The following SMAP1 variants were observed in gnomAD, a reference collection of about 807,000 sequenced individuals.
The protein encoded by SMAP1 is stromal membrane-associated protein 1.
A neutral mutation model predicts 58.5 loss-of-function variants in SMAP1; 24 were observed. The ratio of observed to expected loss-of-function variants is 0.41; its 90% CI spans 0.30 to 0.58. SMAP1 has a LOEUF of 0.58. Ranked by LOEUF, SMAP1 falls within the 20% of genes least tolerant of loss-of-function variation. The pLI is 0.29. For missense variants in SMAP1, 563 were observed against 566.3 expected, an observed-to-expected ratio of 0.99 and a Z score of 0.06; for synonymous variants, 216 against 196.6, an observed-to-expected ratio of 1.10 and a Z score of -0.82.
intron 7 of SMAP1, among the ~76,000 whole-genome samples, chr6:70,849,303 T>G (rs183600005): frequency 6.5e-4 from 99 of 152,334 alleles, no homozygotes; most frequent in African/African-American, 2.2e-3. Flanking sequence ...CCCTCAGACT[T>G]ACTTTGTGAA....
At chr6:70,783,310 A>G (rs934805115) in intron 4 of SMAP1, among the ~76,000 whole-genome samples, 4 of 152,236 alleles carry the variant, frequency 2.6e-5, no homozygotes, top group African/African-American at 9.6e-5. Context: ...GTACGTCACC[A>G]TCATCAAAGA....
rs79201635 is a variant in SMAP1, at chr6:70,699,008, C to G, written c.118+30867C>G. Among the ~76,000 whole-genome samples the G allele has an allele frequency of 3.2e-3, 486 of 152,282 alleles. 2 individuals carry two copies. The highest frequency in any genetic ancestry group is 0.011 in the African/African-American group (467 of 41,554). ...AGGTATTTATTGTGGTCTTTTCTGT[C>G]TAGGCTTGTTTGTCCTCATCCTTCT... On this transcript the variant is annotated intron_variant, in intron 1 of 10. Transcript: ENST00000370455.
intron 1 of SMAP1, among the ~76,000 whole-genome samples, chr6:70,717,889 T>C (rs1768340566): frequency 6.6e-6 from 1 of 152,220 alleles, no homozygotes. Context: ...GAAAATAATA[T>C]ATTGAATTTC....
chr6:70,798,872 T>A, intron 6 of SMAP1, 135 bp downstream of exon 6: 8 of 685,840 alleles, frequency 1.2e-5, no homozygotes, highest in South Asian at 2.6e-5. Flanking sequence ...GTGAATGCTG[T>A]GTGCTCAGCA....
chr6:70,684,188 G>T (rs563139540), intron 1 of SMAP1, among the ~76,000 whole-genome samples: 165 of 152,262 alleles, frequency 1.1e-3, no homozygotes, highest in Non-Finnish European at 2.0e-3. Flanking sequence ...TGGGATATTT[G>T]TTGTCATCTG....
At chr6:70,722,443 A>G (rs934441639) in intron 1 of SMAP1, among the ~76,000 whole-genome samples, 2 of 152,240 alleles carry the variant, frequency 1.3e-5, no homozygotes, top group African/African-American at 2.4e-5. Context: ...ATTTACTAGC[A>G]TGTGCTAAGC....
intron 7 of SMAP1, among the ~76,000 whole-genome samples, chr6:70,842,183 CAAGTT>C (rs370979067): frequency 0.01 from 1,574 of 152,282 alleles, 24 homozygotes; most frequent in African/African-American, 0.036. Flanking sequence ...ATTTTATAGT[CAAGTT>C]ATGTTTTTCA....
At chr6:70,736,654 T>C (rs2149867599) in intron 2 of SMAP1, among the ~76,000 whole-genome samples, 1 of 152,350 alleles carries the variant, frequency 6.6e-6, no homozygotes, top group East Asian at 1.9e-4. Context: ...ATGAGCTGTT[T>C]GGAAAGAAAG....
At chr6:70,805,118 C>T (rs911019907) in intron 6 of SMAP1, among the ~76,000 whole-genome samples, 7 of 152,088 alleles carry the variant, frequency 4.6e-5, no homozygotes, top group Non-Finnish European at 7.4e-5. Flanking sequence ...TTCATTCTCC[C>T]CATCACTTTC....
intron 6 of SMAP1, among the ~76,000 whole-genome samples, chr6:70,823,079 G>A (rs991884960): frequency 2.6e-5 from 4 of 152,042 alleles, no homozygotes; most frequent in African/African-American, 9.7e-5. Flanking sequence ...AATGATAGCT[G>A]CTTTAAATTC....
intron 7 of SMAP1, among the ~76,000 whole-genome samples, chr6:70,839,928 C>G (rs1770738336): frequency 6.6e-6 from 1 of 152,132 alleles, no homozygotes; most frequent in South Asian, 2.1e-4. Flanking sequence ...AACAGTGGTT[C>G]TAAATCTGGA....
chr6:70,804,481 A>C (rs1376636006), intron 6 of SMAP1, among the ~76,000 whole-genome samples: 1 of 151,982 alleles, frequency 6.6e-6, no homozygotes, highest in East Asian at 1.9e-4. Context: ...TAATTGGGGC[A>C]TTTAGCCCAT....
chr6:70,696,240 A>G (rs111916235), intron 1 of SMAP1, among the ~76,000 whole-genome samples: 175 of 151,748 alleles, frequency 1.2e-3, no homozygotes, highest in Middle Eastern at 3.4e-3. Context: ...TATTATTTCA[A>G]TTTCATTTAT....
intron 4 of SMAP1, among the ~76,000 whole-genome samples, chr6:70,789,769 G>T (rs994242230): frequency 6.7e-6 from 1 of 149,552 alleles, no homozygotes; most frequent in African/African-American, 2.5e-5. Context: ...AATGAAAAAG[G>T]TTTTTACTTG....
chr6:70,793,790 C>T (rs566275965), intron 5 of SMAP1, among the ~76,000 whole-genome samples: 16 of 152,122 alleles, frequency 1.1e-4, no homozygotes, highest in African/African-American at 2.9e-4. Context: ...GGCGCGATCT[C>T]GGCTTATTGC....
At chr6:70,832,952 T>A (rs528176633) in intron 6 of SMAP1, among the ~76,000 whole-genome samples, 1 of 152,170 alleles carries the variant, frequency 6.6e-6, no homozygotes, top group Non-Finnish European at 1.5e-5. Flanking sequence ...TTATTATTAC[T>A]CATCTAGGAC....
At chr6:70,671,656 A>C (rs1354723008) in intron 1 of SMAP1, among the ~76,000 whole-genome samples, 1 of 152,214 alleles carries the variant, frequency 6.6e-6, no homozygotes, top group Non-Finnish European at 1.5e-5. Flanking sequence ...CCCTCTCCCC[A>C]GCCCTTGGCA....
intron 6 of SMAP1, among the ~76,000 whole-genome samples, chr6:70,835,975 G>A (rs1382158916): frequency 3.3e-5 from 5 of 152,140 alleles, no homozygotes; most frequent in Non-Finnish European, 5.9e-5. Context: ...TATTTAAAAA[G>A]TAATTAATAA....
At chr6:70,682,708 G>A (rs16880774) in intron 1 of SMAP1, among the ~76,000 whole-genome samples, 11,058 of 152,158 alleles carry the variant, frequency 0.073, 431 homozygotes, top group Middle Eastern at 0.16. Flanking sequence ...ATTGCCAGAA[G>A]TGTTGGGACC....
Sources: gnomAD v4.1 joint callset for allele counts (sites outside exome capture counted in the v4.1 genomes callset) on GRCh38, gnomAD v4.1.1 for gene constraint, MANE v1.5 for transcripts, NCBI Gene and HGNC (gene_info 2026-07-23, HGNC 2026-07-21) for gene names.